LYPD6B: variants seen among roughly 807,000 people sequenced by gnomAD.
LYPD6B encodes the protein ly6/PLAUR domain-containing protein 6B.
Under a neutral mutation model 22.8 loss-of-function variants are expected in LYPD6B, and 17 were observed. The observed-to-expected ratio is 0.75, with a 90% confidence interval of 0.51 to 1.12. The LOEUF is 1.12. Among genes scored for constraint, LYPD6B ranks in the 50% most tolerant of loss-of-function variants. LYPD6B has a pLI of 0.00. For synonymous variants in LYPD6B, 106 were observed against 91.6 expected (o/e 1.16, Z -0.90); for missense variants, 221 against 258.3 (o/e 0.86, Z 0.99).
chr2:149,112,041 C>T lies in LYPD6B; in HGVS notation c.-66-18842C>T, dbSNP rs575513276. 5.3e-5 allele frequency among the ~76,000 whole-genome samples: 8 copies of T among 152,132 alleles called. No individual in the cohort carries two copies. The South Asian group carries it at 1.5e-3, about 28-fold the overall frequency. On this transcript the variant is annotated intron_variant, in intron 1 of 6. Coordinates refer to ENST00000409642, the MANE Select transcript of LYPD6B (RefSeq NM_177964.5). ...CATTGGGACCTTGACAAGGGCAGTC[C>T]GGTTGAAGTGGTAAGAATGAAAGTC...
At chr2:149,210,525 T>G (rs543997805) in intron 5 of LYPD6B, among the ~76,000 whole-genome samples, 32 of 152,340 alleles carry the variant, frequency 2.1e-4, no homozygotes, top group African/African-American at 7.7e-4. Context: ...GGAGTGATAG[T>G]CAACCATTTC....
intron 1 of LYPD6B, among the ~76,000 whole-genome samples, chr2:149,049,086 G>T (rs1683434040): frequency 6.6e-6 from 1 of 152,240 alleles, no homozygotes; most frequent in South Asian, 2.1e-4. Context: ...AATGTAAATG[G>T]CCAAATGAAG....
At chr2:149,100,181 C>T (rs992513824) in intron 1 of LYPD6B, among the ~76,000 whole-genome samples, 2 of 152,014 alleles carry the variant, frequency 1.3e-5, no homozygotes, top group African/African-American at 4.8e-5. Flanking sequence ...AAGTTATCAT[C>T]GAACATAGCC....
intron 1 of LYPD6B, among the ~76,000 whole-genome samples, chr2:149,097,084 C>G (rs1392010949): frequency 2.0e-5 from 3 of 152,272 alleles, no homozygotes; most frequent in African/African-American, 7.2e-5. Context: ...ATAAAACGCC[C>G]TAGGAGCTGT....
chr2:149,190,468 C>T (rs148423299), intron 3 of LYPD6B, among the ~76,000 whole-genome samples: 11 of 152,236 alleles, frequency 7.2e-5, no homozygotes, highest in African/African-American at 2.4e-4. Context: ...AGGGTAAGTA[C>T]ATCTAAAATT....
intron 1 of LYPD6B, among the ~76,000 whole-genome samples, chr2:149,046,368 G>C (rs78766730): frequency 6.6e-6 from 1 of 152,072 alleles, no homozygotes; most frequent in African/African-American, 2.4e-5. Context: ...GACAATATCT[G>C]TCTGTTAACT....
intron 3 of LYPD6B, chr2:149,187,289 C>A: frequency 1.1e-6 from 1 of 918,462 alleles, no homozygotes; most frequent in Non-Finnish European, 1.5e-6. Context: ...TTGTATAAGC[C>A]CAGAATTTGA....
chr2:149,069,153 A>G (rs1489215767), intron 1 of LYPD6B, among the ~76,000 whole-genome samples: 1 of 149,874 alleles, frequency 6.7e-6, no homozygotes, highest in Non-Finnish European at 1.5e-5. Flanking sequence ...CAGCCACAGG[A>G]ATTTGTCCAT....
chr2:149,049,345 G>A (rs904617753), intron 1 of LYPD6B, among the ~76,000 whole-genome samples: 1 of 152,166 alleles, frequency 6.6e-6, no homozygotes, highest in Non-Finnish European at 1.5e-5. Context: ...ATGAGCATGT[G>A]TGCATGCACA....
chr2:149,116,182 T>A (rs140470343), intron 1 of LYPD6B, among the ~76,000 whole-genome samples: 61 of 152,376 alleles, frequency 4.0e-4, no homozygotes, highest in African/African-American at 1.4e-3. Flanking sequence ...TTACAGTGTA[T>A]TGTTATACTT....
chr2:149,154,806 C>A (rs1394565157), intron 2 of LYPD6B, among the ~76,000 whole-genome samples: 1 of 152,126 alleles, frequency 6.6e-6, no homozygotes, highest in Non-Finnish European at 1.5e-5. Flanking sequence ...ATTGAGCATT[C>A]ACTGAGTTTC....
chr2:149,112,952 T>C (rs973161016), intron 1 of LYPD6B, among the ~76,000 whole-genome samples: 1 of 152,132 alleles, frequency 6.6e-6, no homozygotes, highest in Non-Finnish European at 1.5e-5. Flanking sequence ...CCAGGTGATA[T>C]GTATTTTTTC....
chr2:149,115,913 C>T (rs141330420), intron 1 of LYPD6B, among the ~76,000 whole-genome samples: 23 of 152,330 alleles, frequency 1.5e-4, no homozygotes, highest in Non-Finnish European at 2.6e-4. Flanking sequence ...CTCACTGTCA[C>T]GAGTCATTTC....
chr2:149,056,363 A>T (rs1263365402), intron 1 of LYPD6B, among the ~76,000 whole-genome samples: 2 of 152,112 alleles, frequency 1.3e-5, no homozygotes, highest in African/African-American at 4.8e-5. Flanking sequence ...GAAGTTTCAT[A>T]TTCTGGCAAG....
intron 1 of LYPD6B, among the ~76,000 whole-genome samples, chr2:149,046,284 A>G (rs1432669977): frequency 6.6e-6 from 1 of 152,184 alleles, no homozygotes; most frequent in Non-Finnish European, 1.5e-5. Context: ...TATTTAGGTT[A>G]TAAAATAACC....
chr2:149,119,290 C>T (rs1460003249), intron 1 of LYPD6B: 1 of 152,152 alleles, frequency 6.6e-6, no homozygotes, highest in Non-Finnish European at 1.5e-5. Context: ...AAAAACTCTG[C>T]TGAAATGTAC....
At chr2:149,111,977 G>A (rs185685366) in intron 1 of LYPD6B, among the ~76,000 whole-genome samples, 14 of 152,286 alleles carry the variant, frequency 9.2e-5, no homozygotes, top group Admixed American at 2.0e-4. Context: ...AGGAAAATAA[G>A]GTCTTAGAAC....
At chr2:149,039,202 C>T (rs1352813057) in intron 1 of LYPD6B, among the ~76,000 whole-genome samples, 2 of 152,210 alleles carry the variant, frequency 1.3e-5, no homozygotes, top group East Asian at 3.9e-4. Context: ...CAAGGCCGAT[C>T]GTGGGGCCAA....
At chr2:149,211,638 CAA>C (rs796267622) in intron 5 of LYPD6B, among the ~76,000 whole-genome samples, 3 of 139,938 alleles carry the variant, frequency 2.1e-5, no homozygotes, top group Admixed American at 7.2e-5. Flanking sequence ...TTACTAAAAC[CAA>C]AAAAAAAAAA....
Sources: allele counts gnomAD v4.1 joint callset (sites outside exome capture counted in the v4.1 genomes callset), GRCh38; gene constraint gnomAD v4.1.1; transcripts MANE v1.5; gene names NCBI Gene and HGNC (gene_info 2026-07-23, HGNC 2026-07-21).